The following PDE4C variants were observed in gnomAD, a reference collection of about 807,000 sequenced individuals.
PDE4C encodes 3',5'-cyclic-AMP phosphodiesterase 4C.
A neutral mutation model predicts 63.9 loss-of-function variants in PDE4C; 50 were observed. That is an observed-to-expected ratio of 0.78 (90% CI 0.62 to 0.99). PDE4C has a LOEUF of 0.99. PDE4C is among the 50% of genes least tolerant of loss of function. The probability of loss-of-function intolerance (pLI) is 0.00; values close to 1 mark genes in which losing one functional copy is unlikely to be tolerated. For synonymous variants in PDE4C, 377 were observed against 385.1 expected (o/e 0.98, Z 0.25); for missense variants, 777 against 899.1 (o/e 0.86, Z 1.74).
At chr19:18,221,607 G>GGTTTGTTTGTTT (rs112520605) in intron 2 of PDE4C, among the ~76,000 whole-genome samples, 1 of 151,228 alleles carries the variant, frequency 6.6e-6, no homozygotes, top group Non-Finnish European at 1.5e-5. Flanking sequence ...TGGCCTTAAT[G>GGTTTGTTTGTTT]GTTTGTTTGT....
chr19:18,242,402 A>AGAGGCG (rs1969056702), intron 1 of PDE4C, among the ~76,000 whole-genome samples: 1 of 148,586 alleles, frequency 6.7e-6, no homozygotes, highest in Non-Finnish European at 1.5e-5. Flanking sequence ...TTTATGCCCG[A>AGAGGCG]GAGGCGGAGG....
intron 13 of PDE4C, among the ~76,000 whole-genome samples, chr19:18,212,299 C>T (rs1180631162): frequency 6.6e-6 from 1 of 151,380 alleles, no homozygotes; most frequent in Non-Finnish European, 1.5e-5. Context: ...TCCTCCCAGC[C>T]CAGCCTCCCG....
chr19:18,226,336 A>G, exon 1 of PDE4C: 1 of 1,553,408 alleles, frequency 6.4e-7, no homozygotes, highest in South Asian at 1.2e-5. Context: ...AAGCTTCCTG[A>G]AGAGCCCGGG....
At chr19:18,242,563 C>G (rs1362113227) in intron 1 of PDE4C, among the ~76,000 whole-genome samples, 1 of 148,926 alleles carries the variant, frequency 6.7e-6, no homozygotes, top group Non-Finnish European at 1.5e-5. Context: ...GGGCAGATTG[C>G]CTGAGTTCAG....
At chr19:18,255,350 T>G in the PDE4C span, 97 of 398,746 alleles carry the variant, frequency 2.4e-4, no homozygotes, top group Non-Finnish European at 4.1e-4. This position sits in a 1 kb window ranked among gnomAD's most constrained non-coding sequence, Gnocchi z 4.6. Context: ...CACAGGTGTG[T>G]GGCCAGGTGT....
chr19:18,231,197 C>G (rs956097904), upstream of PDE4C, among the ~76,000 whole-genome samples: 1 of 152,230 alleles, frequency 6.6e-6, no homozygotes, highest in Non-Finnish European at 1.5e-5. Flanking sequence ...ACCCTCATAT[C>G]AGCACAGAGA....
intron 1 of PDE4C, among the ~76,000 whole-genome samples, chr19:18,243,087 G>A (rs1306153039): frequency 1.3e-5 from 2 of 152,070 alleles, no homozygotes; most frequent in Non-Finnish European, 2.9e-5. Context: ...GTGAGAAAGA[G>A]AAGATTCAAG....
upstream of PDE4C, among the ~76,000 whole-genome samples, chr19:18,250,808 C>T (rs1487195287): frequency 1.4e-5 from 2 of 148,026 alleles, no homozygotes; most frequent in African/African-American, 5.0e-5. Context: ...GGGTCTTGCT[C>T]TGTCACACAG....
At chr19:18,216,256 A>G (rs531106726) in intron 12 of PDE4C, among the ~76,000 whole-genome samples, 93 of 144,184 alleles carry the variant, frequency 6.5e-4, no homozygotes, top group African/African-American at 1.9e-3. Flanking sequence ...GGCAGTCACT[A>G]GCCCCTTTTT....
upstream of PDE4C, among the ~76,000 whole-genome samples, chr19:18,227,716 A>T (rs1222585440): frequency 6.6e-6 from 1 of 152,162 alleles, no homozygotes; most frequent in African/African-American, 2.4e-5. Context: ...CTGAGGCCTG[A>T]CCGTGCCCCT....
chr19:18,251,324 C>T (rs1166652719), upstream of PDE4C, among the ~76,000 whole-genome samples: 4 of 151,572 alleles, frequency 2.6e-5, no homozygotes, highest in African/African-American at 4.9e-5. Context: ...CGGGGTTTCA[C>T]CATGTTGGCC....
chr19:18,241,020 G>T (rs370687928), intron 1 of PDE4C, among the ~76,000 whole-genome samples: 2 of 152,070 alleles, frequency 1.3e-5, no homozygotes, highest in South Asian at 4.1e-4. Context: ...ACTGTTCCCC[G>T]CATTTGAGCA....
At position 18,220,838 on chromosome 19, in the gene PDE4C, G is replaced by T; in HGVS notation, c.499+36C>A. The T allele has an allele frequency of 1.3e-6, 2 of 1,591,320 alleles. No individual in the cohort carries two copies. Among genetic ancestry groups the T allele is most frequent in the Non-Finnish European group, 1.7e-6 (2 of 1,166,310 alleles). On this transcript the variant is annotated intron_variant, in intron 5 of 14. Transcript: ENST00000262805. The surrounding 1 kb of genome is among the most constrained non-coding windows in gnomAD (Gnocchi z 5.1). ...CACTATGGAAAGGAAGCTCCCAGCT[G>T]TCCTCAGCGGGGGAGGGAAGGAACA...
At chr19:18,233,867 G>T (rs180782799), upstream of PDE4C, among the ~76,000 whole-genome samples, 342 of 152,312 alleles carry the variant, frequency 2.2e-3, no homozygotes, top group Non-Finnish European at 3.6e-3. Context: ...AGCAGTCAAG[G>T]TTCTGGTCTT....
At chr19:18,228,439 A>C (rs1968786258), upstream of PDE4C, among the ~76,000 whole-genome samples, 1 of 152,124 alleles carries the variant, frequency 6.6e-6, no homozygotes, top group Non-Finnish European at 1.5e-5. Context: ...GAGGCACAGA[A>C]AGGCACAGTC....
upstream of PDE4C, among the ~76,000 whole-genome samples, chr19:18,230,151 G>A (rs1419729763): frequency 6.6e-6 from 1 of 152,132 alleles, no homozygotes; most frequent in Non-Finnish European, 1.5e-5. Context: ...GGAGAGCAAG[G>A]CCAGGTCTGC....
upstream of PDE4C, among the ~76,000 whole-genome samples, chr19:18,231,081 G>A (rs529413185): frequency 7.9e-5 from 12 of 152,324 alleles, no homozygotes; most frequent in South Asian, 8.3e-4. Flanking sequence ...TGAGGACGCC[G>A]AGGCTCCGGG....
chr19:18,221,396 T>C, intron 2 of PDE4C, 99 bp from the exon 3 acceptor site: 1 of 1,250,202 alleles, frequency 8.0e-7, no homozygotes, highest in Non-Finnish European at 1.1e-6. Flanking sequence ...TCTCAGGACT[T>C]CTCCTCCAGG....
At chr19:18,241,961 C>T (rs533511395) in intron 1 of PDE4C, among the ~76,000 whole-genome samples, 12 of 152,180 alleles carry the variant, frequency 7.9e-5, no homozygotes, top group South Asian at 6.2e-4. Flanking sequence ...TAATTCACCT[C>T]GTGTTAGGAA....
Sources: allele counts gnomAD v4.1 joint callset (sites outside exome capture counted in the v4.1 genomes callset), GRCh38; gene constraint gnomAD v4.1.1; non-coding constraint Gnocchi (gnomAD v3.1); transcripts MANE v1.5; gene names NCBI Gene and HGNC (gene_info 2026-07-23, HGNC 2026-07-21).